CDH4: variants seen among roughly 807,000 people sequenced by gnomAD.
The protein encoded by CDH4 is cadherin 4, also known as cadherin-4.
In CDH4, 33 loss-of-function variants were observed where a neutral mutation model predicts 86.0. The observed-to-expected ratio is 0.38, with a 90% confidence interval of 0.29 to 0.51. CDH4 has a LOEUF of 0.51. CDH4 is among the 20% of genes least tolerant of loss of function. The probability of loss-of-function intolerance (pLI) is 0.86; values close to 1 mark genes in which losing one functional copy is unlikely to be tolerated. For synonymous variants in CDH4, 555 were observed against 549.4 expected (o/e 1.01, Z -0.14); for missense variants, 1,114 against 1,307.4 (o/e 0.85, Z 2.28).
At chr20:61,814,612 C>G (rs569305520) in intron 4 of CDH4, among the ~76,000 whole-genome samples, 25 of 152,296 alleles carry the variant, frequency 1.6e-4, no homozygotes, top group Middle Eastern at 3.4e-3. Flanking sequence ...GAAATGGACC[C>G]CCGTTAAAGG....
chr20:61,395,374 CT>C (rs1057105026), intron 2 of CDH4, among the ~76,000 whole-genome samples: 9 of 152,042 alleles, frequency 5.9e-5, no homozygotes, highest in Non-Finnish European at 1.2e-4. Context: ...GCAGAAGAAC[CT>C]TTTTGCTCAT....
chr20:61,558,335 GC>G (rs991554790), intron 2 of CDH4, among the ~76,000 whole-genome samples: 4 of 152,012 alleles, frequency 2.6e-5, no homozygotes, highest in Non-Finnish European at 5.9e-5. Flanking sequence ...AGTGGCACCT[GC>G]CCCCCAAGTC....
chr20:61,449,972 C>T (rs777325094), intron 2 of CDH4, among the ~76,000 whole-genome samples: 2 of 152,202 alleles, frequency 1.3e-5, no homozygotes, highest in African/African-American at 2.4e-5. Context: ...GCAAAACCAG[C>T]GAGAACTCTG....
chr20:61,304,268 C>A (rs1568789788), intron 2 of CDH4, among the ~76,000 whole-genome samples: 1 of 151,758 alleles, frequency 6.6e-6, no homozygotes, highest in African/African-American at 2.4e-5. Flanking sequence ...ACGGCACCCC[C>A]CCAACCCCCC....
intron 4 of CDH4, 24 bp downstream of exon 4, chr20:61,773,206 G>T: frequency 9.9e-6 from 15 of 1,508,282 alleles, no homozygotes; most frequent in Non-Finnish European, 1.3e-5. Flanking sequence ...CCTCCCGCGG[G>T]CACGGGGGTC....
At chr20:61,659,791 A>G (rs1348341858) in intron 2 of CDH4, among the ~76,000 whole-genome samples, 1 of 152,008 alleles carries the variant, frequency 6.6e-6, no homozygotes, top group Non-Finnish European at 1.5e-5. Flanking sequence ...CCTCCGGCCC[A>G]GGAGCTGGGG....
intron 2 of CDH4, among the ~76,000 whole-genome samples, chr20:61,402,486 G>T (rs12625440): frequency 2.6e-5 from 4 of 152,036 alleles, no homozygotes; most frequent in Admixed American, 2.0e-4. Context: ...CCTCCTCCCG[G>T]GTTCAAGCAA....
Position 61,751,560 on chromosome 20 carries a change from C to T in CDH4, c.396+7771C>T, listed in dbSNP as rs186273613. On this transcript the variant is annotated intron_variant, in intron 3 of 15. Coordinates refer to ENST00000614565, the MANE Select transcript of CDH4 (RefSeq NM_001794.5). Reference sequence around the variant, plus strand: ...CCTTGTCAAATGCCCAGGGTGCAGACGCTTGATTTTTTATTATAAGAGCAG... The same window carrying T: ...CCTTGTCAAATGCCCAGGGTGCAGATGCTTGATTTTTTATTATAAGAGCAG... Among the ~76,000 whole-genome samples, 38 of 151,986 alleles carry T rather than the reference C, an allele frequency of 2.5e-4. 1 individual carries two copies. The East Asian group carries it at 4.2e-3, about 17-fold the overall frequency.
intron 4 of CDH4, among the ~76,000 whole-genome samples, chr20:61,827,725 G>T (rs1194005533): frequency 6.6e-6 from 1 of 152,184 alleles, no homozygotes; most frequent in African/African-American, 2.4e-5. Context: ...TTTAATTCTA[G>T]GTAGGAAATG....
In CDH4 at chr20:61,269,187, G is replaced by A. The variant is rs1231784601; in HGVS notation, c.169+14250G>A. Among the ~76,000 whole-genome samples, 3 of 152,194 alleles carry A rather than the reference G, an allele frequency of 2.0e-5. No individual in the cohort carries two copies. Among genetic ancestry groups the A allele is most frequent in the African/African-American group, 7.2e-5 (3 of 41,436 alleles). ...TTCATCTGCATGACCACCCTAGGCA[G>A]GAGGCATGTTACTAACCCTCCTTTC... On this transcript the variant is annotated intron_variant, in intron 2 of 15. Coordinates refer to ENST00000614565, the MANE Select transcript of CDH4 (RefSeq NM_001794.5). The surrounding 1 kb of genome is among the most constrained non-coding windows in gnomAD (Gnocchi z 5.3).
intron 6 of CDH4, among the ~76,000 whole-genome samples, chr20:61,861,221 G>A (rs943076746): frequency 2.0e-5 from 3 of 152,204 alleles, no homozygotes; most frequent in Admixed American, 6.5e-5. Flanking sequence ...GAGGTTCCAC[G>A]TGGGAAGGAC....
chr20:61,700,053 C>A (rs2087758619), intron 2 of CDH4, among the ~76,000 whole-genome samples: 2 of 152,208 alleles, frequency 1.3e-5, no homozygotes, highest in African/African-American at 4.8e-5. Flanking sequence ...GAACACCCCA[C>A]CCCCGGGGAC....
chr20:61,554,321 T>C (rs1490732147), intron 2 of CDH4, among the ~76,000 whole-genome samples: 1 of 152,158 alleles, frequency 6.6e-6, no homozygotes, highest in Non-Finnish European at 1.5e-5. Context: ...GCTTCTGTGA[T>C]GTGGTTGAGG....
chr20:61,458,390 GGTCA>G (rs1568852331), intron 2 of CDH4, among the ~76,000 whole-genome samples: 1 of 141,366 alleles, frequency 7.1e-6, no homozygotes, highest in Non-Finnish European at 1.6e-5. Flanking sequence ...GTATGGTGAT[GGTCA>G]TGATGGTGAT....
chr20:61,539,608 C>T (rs142090518), intron 2 of CDH4, among the ~76,000 whole-genome samples: 96 of 152,296 alleles, frequency 6.3e-4, no homozygotes, highest in African/African-American at 2.0e-3. Flanking sequence ...CATGTTCTGA[C>T]GGGATTAGGA....
intron 2 of CDH4, among the ~76,000 whole-genome samples, chr20:61,599,212 G>A (rs541726648): frequency 2.6e-5 from 4 of 152,174 alleles, no homozygotes; most frequent in South Asian, 4.2e-4. Context: ...CTCCCACCCC[G>A]CCCTGCCATG....
At chr20:61,579,285 A>ATTTTTTTTT (rs11483950) in intron 2 of CDH4, among the ~76,000 whole-genome samples, 2 of 129,570 alleles carry the variant, frequency 1.5e-5, no homozygotes, top group Non-Finnish European at 3.2e-5. Flanking sequence ...CTCGATGGAG[A>ATTTTTTTTT]TTTTTTTTTT....
intron 2 of CDH4, among the ~76,000 whole-genome samples, chr20:61,349,283 G>A (rs536268874): frequency 6.6e-6 from 1 of 152,336 alleles, no homozygotes; most frequent in Non-Finnish European, 1.5e-5. Context: ...GGAGTTGGTG[G>A]TTCTGGGGAG....
At chr20:61,366,960 G>C (rs573751482) in intron 2 of CDH4, among the ~76,000 whole-genome samples, 9 of 151,874 alleles carry the variant, frequency 5.9e-5, no homozygotes, top group Non-Finnish European at 1.3e-4. Flanking sequence ...CTGGAGCTTG[G>C]GCCCTTTGCG....
Sources: gnomAD v4.1 joint callset for allele counts (sites outside exome capture counted in the v4.1 genomes callset) on GRCh38, gnomAD v4.1.1 for gene constraint, Gnocchi (gnomAD v3.1) non-coding constraint, MANE v1.5 for transcripts, NCBI Gene and HGNC (gene_info 2026-07-23, HGNC 2026-07-21) for gene names.